Variants in ITGA5 observed in about 807,000 individuals in gnomAD.
ITGA5 encodes integrin alpha-5.
In ITGA5, 55 loss-of-function variants were observed where a neutral mutation model predicts 146.3. The observed-to-expected ratio is 0.38, with a 90% confidence interval of 0.30 to 0.47. The LOEUF (loss-of-function observed/expected upper bound fraction) is 0.47. ITGA5 is among the 20% of genes least tolerant of loss of function. The probability of loss-of-function intolerance (pLI) is 0.99; values close to 1 mark genes in which losing one functional copy is unlikely to be tolerated. For missense variants in ITGA5, 1,131 were observed against 1,329.0 expected (o/e 0.85, Z 2.32); for synonymous variants, 500 against 531.8 (o/e 0.94, Z 0.82).
At chr12:54,400,766 C>G in intron 25 of ITGA5, 80 bp downstream of exon 25, 1 of 1,439,852 alleles carries the variant, frequency 6.9e-7, no homozygotes, top group South Asian at 1.3e-5. Context: ...TCTTGCAGGC[C>G]CCCAGCAACC....
Position 54,404,468 on chromosome 12 carries a change from A to C in ITGA5, c.1425T>G (p.Ile475Met). The change falls in exon 14 of 30, where the codon ATT (isoleucine) becomes ATG (methionine). Residue 475 changes from isoleucine to methionine, a missense_variant. Transcript: ENST00000293379. ...CCTTGTCCACACCAAAGGACCCCAC[A>C]ATCAGATCTGTAAGAAGTCAAGAAA... ...DLDGNGYPDL[I>M]VGSFGVDKAV... is the part of the protein sequence containing the mutation. 6.2e-7 allele frequency: 1 copy of C among 1,614,196 alleles called. No individual in the cohort carries two copies. The highest frequency in any genetic ancestry group is 8.5e-7 in the Non-Finnish European group (1 of 1,180,002).
At chr12:54,396,819 G>C (rs1431681703) in intron 29 of ITGA5, among the ~76,000 whole-genome samples, 1 of 152,122 alleles carries the variant, frequency 6.6e-6, no homozygotes, top group Non-Finnish European at 1.5e-5. Context: ...GAGTAGCTGG[G>C]ACTATAGGCA....
At position 54,404,880 on chromosome 12, in the gene ITGA5, C is replaced by A. The variant is rs202005757; in HGVS notation, c.1240G>T (p.Ala414Ser). 522 of 1,580,502 alleles carry A rather than the reference C, an allele frequency of 3.3e-4. 2 individuals carry two copies. Among genetic ancestry groups the A allele is most frequent in the East Asian group, 7.6e-4 (34 of 44,476 alleles). The change falls in exon 13 of 30, where the codon GCT becomes TCT. Residue 414 changes from alanine (A) to serine (S), a missense_variant. By Grantham distance (99) the Ala-to-Ser change is moderately conservative. Transcript: ENST00000293379. Reference protein sequence around the residue: ...QDGYNDVAIGAPFGGETQQGV... With the variant: ...QDGYNDVAIGSPFGGETQQGV... ...TGCTGGGTCTCCCCACCAAAGGGAG[C>A]CCCGATGGCCACATCTGGAAGACAC...
chr12:54,404,426 A>T lies in ITGA5; in HGVS notation c.1463+4T>A, dbSNP rs767645083. On this transcript the variant is annotated splice_donor_region_variant and intron_variant, in intron 14 of 29. Coordinates refer to ENST00000293379, the MANE Select transcript of ITGA5 (RefSeq NM_002205.5). Reference sequence around the variant, plus strand: ...GTCCCCTCATCTCCCTTTGGAGCTCATACCTGTATACCACAGCCTTGTCCA... The same window carrying T: ...GTCCCCTCATCTCCCTTTGGAGCTCTTACCTGTATACCACAGCCTTGTCCA... 7 of 1,613,888 alleles carry T rather than the reference A, an allele frequency of 4.3e-6. No homozygotes were observed. The African/African-American group carries it at 8.0e-5, about 18-fold the overall frequency.
intron 19 of ITGA5, among the ~76,000 whole-genome samples, chr12:54,402,559 G>T (rs979884130): frequency 6.6e-6 from 1 of 151,980 alleles, no homozygotes; most frequent in Non-Finnish European, 1.5e-5. Flanking sequence ...AAATTAGCCC[G>T]GCATGGTGGC....
In ITGA5 at chr12:54,401,988, A is replaced by C; in HGVS notation, c.2226+13T>G. On this transcript the variant is annotated intron_variant, in intron 21 of 29. Transcript: ENST00000293379. The surrounding 1 kb of genome is among the most constrained non-coding windows in gnomAD (Gnocchi z 5.0). ...CTCTCCCTCTGTCCCATCCTCTTTC[A>C]TCCCAAACTTACACTGGCTCCTGCC... 1 of 1,613,704 alleles carries C rather than the reference A, an allele frequency of 6.2e-7. No homozygotes were observed.
chr12:54,414,662 T>C (rs1462255139), intron 1 of ITGA5, among the ~76,000 whole-genome samples: 1 of 145,712 alleles, frequency 6.9e-6, no homozygotes, highest in Non-Finnish European at 1.5e-5. Context: ...CTGGCTAACA[T>C]GGTGAAACTC....
In ITGA5 at chr12:54,409,828, ACACACGCACG is replaced by A. The variant is rs925747732; in HGVS notation, c.350-241_350-232del. ...TACACATACACACACACACATACAT[ACACACGCACG>A]CACACGCACACAGAACCTGGGCTTT... On this transcript the variant is annotated intron_variant, in intron 2 of 29. Coordinates refer to ENST00000293379, the MANE Select transcript of ITGA5 (RefSeq NM_002205.5). The surrounding 1 kb of genome is among the most constrained non-coding windows in gnomAD (Gnocchi z 4.7). 6.4e-6 allele frequency: 3 copies of A among 469,246 alleles called. No homozygotes were observed. Among genetic ancestry groups the A allele is most frequent in the African/African-American group, 4.0e-5 (2 of 49,974 alleles). The allele number at this position is 469,246 out of a possible 1,614,324, so 29.1% of individuals were successfully genotyped here.
chr12:54,408,072 T>G, intron 7 of ITGA5, 38 bp downstream of exon 7: 1 of 1,612,546 alleles, frequency 6.2e-7, no homozygotes, highest in Non-Finnish European at 8.5e-7. Context: ...GCACTTGAGG[T>G]TCTCCCTCTG....
rs1413248538 is a variant in ITGA5 at position 54,408,749 on chromosome 12, G to A, written c.691+7C>T. The A allele has an allele frequency of 1.3e-6, 2 of 1,591,596 alleles. No homozygotes were observed. Among genetic ancestry groups the A allele is most frequent in the South Asian group, 2.2e-5 (2 of 90,608 alleles). On this transcript the variant is annotated splice_region_variant and intron_variant, in intron 6 of 29. Coordinates refer to ENST00000293379, the MANE Select transcript of ITGA5 (RefSeq NM_002205.5). ...AAAAAAAAAAGAATGGCAGAGACAG[G>A]ACTTACCTTGCCAGAAATAGCTTCC...
Position 54,419,098 on chromosome 12 carries a change from G to GGCAGCAGCAGCAACAGCA in ITGA5, c.83_100dup (p.Leu28_Leu33dup). 1 of 1,588,956 alleles carries GGCAGCAGCAGCAACAGCA rather than the reference G, an allele frequency of 6.3e-7. No individual in the cohort carries two copies. Among genetic ancestry groups the GGCAGCAGCAGCAACAGCA allele is most frequent in the East Asian group, 2.2e-5 (1 of 44,474 alleles). ...GAAGCCCCCGACCCTGGGTGGCGGC[G>GGCAGCAGCAGCAACAGCA]GCAGCAGCAGCAACAGCAGCGGCAG... On this transcript the variant is annotated inframe_insertion, in exon 1 of 30. Transcript: ENST00000293379.
chr12:54,399,001 A>T (rs1955751018), intron 27 of ITGA5, among the ~76,000 whole-genome samples: 1 of 151,780 alleles, frequency 6.6e-6, no homozygotes, highest in African/African-American at 2.4e-5. Flanking sequence ...CATCATGCCC[A>T]GCTAATTTTT....
intron 1 of ITGA5, 73 bp from the exon 2 acceptor site, chr12:54,412,037 C>A: frequency 1.5e-6 from 2 of 1,344,778 alleles, no homozygotes; most frequent in Non-Finnish European, 2.0e-6. Flanking sequence ...CAGGAAGGAC[C>A]CAGGCCTCTA....
rs188151262 is a variant in ITGA5, at chr12:54,398,789, C to T, written c.2842-91G>A. Reference sequence around the variant, plus strand: ...TCGTCTGGCTGGGGTTGTGATCTTTCCCTATTTTGGGCTCATTCTTCCTGA... The same window carrying T: ...TCGTCTGGCTGGGGTTGTGATCTTTTCCTATTTTGGGCTCATTCTTCCTGA... On this transcript the variant is annotated intron_variant, in intron 27 of 29. Coordinates refer to ENST00000293379, the MANE Select transcript of ITGA5 (RefSeq NM_002205.5). 6.2e-4 allele frequency: 450 copies of T among 724,070 alleles called. 1 individual carries two copies. In the African/African-American group the frequency reaches 7.5e-3, roughly 12 times the overall value. 44.9% of individuals were successfully genotyped at this position (724,070 alleles called of 1,614,324 possible).
intron 9 of ITGA5, among the ~76,000 whole-genome samples, chr12:54,406,677 A>C (rs1254459746): frequency 6.6e-6 from 1 of 152,216 alleles, no homozygotes; most frequent in Non-Finnish European, 1.5e-5. Flanking sequence ...GAGTCTGCTA[A>C]GTTGGGCTGA....
chr12:54,417,629 C>T (rs1339963400), intron 1 of ITGA5, among the ~76,000 whole-genome samples: 1 of 152,094 alleles, frequency 6.6e-6, no homozygotes, highest in Non-Finnish European at 1.5e-5. Flanking sequence ...CCCCTTTTCT[C>T]CAAAAACTAT....
chr12:54,412,149 C>T (rs1955954228), intron 1 of ITGA5, among the ~76,000 whole-genome samples, 185 bp from the exon 2 acceptor site: 1 of 152,130 alleles, frequency 6.6e-6, no homozygotes, highest in South Asian at 2.1e-4. Context: ...CAGGCGGTCC[C>T]CATGTGCCGC....
At position 54,405,866 on chromosome 12, in the gene ITGA5, T is replaced by G; in HGVS notation, c.963+4A>C. The G allele has an allele frequency of 6.2e-7, 1 of 1,613,588 alleles. No homozygotes were observed. The highest frequency in any genetic ancestry group is 8.5e-7 in the Non-Finnish European group (1 of 1,179,558). ...GCTGGGGTGGGGTTGAGGGGTATCC[T>G]TACCTGTTCCCCTGAGAAGTTGTAG... is the stretch of plus-strand genomic sequence containing the variant. On this transcript the variant is annotated splice_donor_region_variant and intron_variant, in intron 10 of 29. Coordinates refer to ENST00000293379, the MANE Select transcript of ITGA5 (RefSeq NM_002205.5).
chr12:54,411,852 TG>T lies in ITGA5; in HGVS notation c.330del (p.Ile111LeufsTer59). 2.0e-6 allele frequency: 3 copies of T among 1,511,484 alleles called. No homozygotes were observed. The highest frequency in any genetic ancestry group is 1.2e-5 in the South Asian group (1 of 81,028). 93.6% of individuals were successfully genotyped at this position (1,511,484 alleles called of 1,614,324 possible). ...GGCCTACCTTTGCTGTCAAATTCAATGGGGGTGCACTGTGTGGGGCTGGCAC... is the reference window on the plus strand; with the variant it reads ...GGCCTACCTTTGCTGTCAAATTCAATGGGGTGCACTGTGTGGGGCTGGCAC... ...PWGASPTQCTPIEFDSKGSRL... is the reference protein window; with the variant it reads ...PWGASPTQCTXIEFDSKGSRL... On this transcript the variant is annotated frameshift_variant, in exon 2 of 30. Transcript: ENST00000293379. LOFTEE classifies it high-confidence loss of function.
Sources: allele counts gnomAD v4.1 joint callset (sites outside exome capture counted in the v4.1 genomes callset), GRCh38; gene constraint gnomAD v4.1.1; non-coding constraint Gnocchi (gnomAD v3.1); transcripts MANE v1.5; gene names NCBI Gene and HGNC (gene_info 2026-07-23, HGNC 2026-07-21).